Variants in RABGEF1 observed in about 807,000 individuals in gnomAD.
RABGEF1 encodes RAB guanine nucleotide exchange factor 1, also known as rab5 GDP/GTP exchange factor.
A neutral mutation model predicts 57.3 loss-of-function variants in RABGEF1; 26 were observed. The ratio of observed to expected loss-of-function variants is 0.45; its 90% CI spans 0.33 to 0.63. RABGEF1 has a LOEUF of 0.63. Among genes scored for constraint, RABGEF1 ranks in the 20% least tolerant of loss-of-function variants. RABGEF1 has a pLI of 0.02. For missense variants in RABGEF1, 464 were observed against 607.6 expected (o/e 0.76, Z 2.48); for synonymous variants, 185 against 210.7 (o/e 0.88, Z 1.06).
Position 66,748,205 on chromosome 7 carries a change from G to A in RABGEF1, c.-18+7413G>A, listed in dbSNP as rs183339951. Among the ~76,000 whole-genome samples the A allele has an allele frequency of 1.1e-3, 172 of 152,282 alleles. 1 individual carries two copies. The highest frequency in any genetic ancestry group is 3.9e-3 in the African/African-American group (162 of 41,562). On this transcript the variant is annotated intron_variant, in intron 1 of 8. Transcript: ENST00000284957. ...TAGTAAAACTCCTTATTGGCTTTTT[G>A]TGTAAGACGGTGACATAACATCAAA...
intron 1 of RABGEF1, among the ~76,000 whole-genome samples, chr7:66,760,653 A>T (rs1292566743): frequency 2.0e-5 from 3 of 152,136 alleles, no homozygotes; most frequent in African/African-American, 7.2e-5. Context: ...TGTGTTGGCC[A>T]GCCTGGTCTC....
intron 1 of RABGEF1, among the ~76,000 whole-genome samples, chr7:66,684,859 T>C (rs757243388): frequency 6.6e-6 from 1 of 152,040 alleles, no homozygotes; most frequent in Non-Finnish European, 1.5e-5. Context: ...ATGGTCTCGA[T>C]CTCCTGACCT....
intron 1 of RABGEF1, among the ~76,000 whole-genome samples, chr7:66,707,272 T>C (rs546297975): frequency 1.3e-5 from 2 of 152,356 alleles, no homozygotes; most frequent in East Asian, 3.9e-4. Flanking sequence ...GGAGAATGTT[T>C]CATGTGTACT....
the RABGEF1 span, among the ~76,000 whole-genome samples, chr7:66,656,636 A>G: frequency 0.039 from 6,008 of 152,176 alleles, 170 homozygotes; most frequent in East Asian, 0.088. Context: ...CCTGAGCAAC[A>G]TGGTGAAACC....
At chr7:66,723,568 T>G (rs1462363975) in intron 2 of RABGEF1, among the ~76,000 whole-genome samples, 3 of 151,854 alleles carry the variant, frequency 2.0e-5, no homozygotes, top group Non-Finnish European at 2.9e-5. Flanking sequence ...ACAATTACTG[T>G]TTTTTTTGTT....
intron 1 of RABGEF1, among the ~76,000 whole-genome samples, chr7:66,748,504 G>A (rs974239): frequency 0.38 from 57,792 of 152,068 alleles, 11,474 homozygotes; most frequent in Middle Eastern, 0.57. Flanking sequence ...ATGGTTTATC[G>A]TGGGGGTATC....
chr7:66,761,478 C>T (rs775432101), intron 1 of RABGEF1, among the ~76,000 whole-genome samples: 24 of 152,090 alleles, frequency 1.6e-4, no homozygotes, highest in African/African-American at 5.6e-4. Context: ...ATGCTGGGGG[C>T]GAGGAATGGG....
chr7:66,810,745 GTCACT>G lies in RABGEF1; in HGVS notation c.*1466_*1470del, dbSNP rs1165171312. 1 of 152,206 alleles carries G rather than the reference GTCACT, an allele frequency of 6.6e-6. No homozygotes were observed. Among genetic ancestry groups the G allele is most frequent in the African/African-American group, 2.4e-5 (1 of 41,448 alleles). 9.4% of individuals were successfully genotyped at this position (152,206 alleles called of 1,614,324 possible). On this transcript the variant is annotated 3_prime_UTR_variant, in exon 9 of 9. Coordinates refer to ENST00000284957, the MANE Select transcript of RABGEF1 (RefSeq NM_014504.3). ...CCCCAGGGCACCGTTCTAGAACAAC[GTCACT>G]TCACACAGGCAGCTGAGAAAGGTTC... is the stretch of plus-strand genomic sequence containing the variant.
intron 3 of RABGEF1, 95 bp downstream of exon 3, chr7:66,775,488 A>G: frequency 5.5e-6 from 8 of 1,442,848 alleles, no homozygotes; most frequent in South Asian, 1.4e-5. Flanking sequence ...ATTTCTGTCA[A>G]CTTTTTGAGA....
chr7:66,765,207 T>C, intron 1 of RABGEF1, among the ~76,000 whole-genome samples: 1 of 151,166 alleles, frequency 6.6e-6, no homozygotes, highest in Non-Finnish European at 1.5e-5. Flanking sequence ...GTTTCAGAAA[T>C]ATTACATAGT....
At chr7:66,690,719 A>G (rs983166144) in intron 1 of RABGEF1, among the ~76,000 whole-genome samples, 3 of 151,748 alleles carry the variant, frequency 2.0e-5, no homozygotes, top group Non-Finnish European at 4.4e-5. Flanking sequence ...AAATAAATAA[A>G]TAAATATTTT....
chr7:66,695,447 G>GGA (rs1476583929), intron 1 of RABGEF1, among the ~76,000 whole-genome samples: 27 of 152,192 alleles, frequency 1.8e-4, no homozygotes, highest in Non-Finnish European at 3.5e-4. Flanking sequence ...CAGGGGCTTT[G>GGA]ACGCAAGAGG....
rs567370796 is a variant in RABGEF1 at position 66,778,261 on chromosome 7, A to G, written c.346+2868A>G. ...GTTAGTAGCATAAAGGAAAGTTTTT[A>G]TGCCATACGTAGCAGCTTGGTAGCA... On this transcript the variant is annotated intron_variant, in intron 3 of 8. Coordinates refer to ENST00000284957, the MANE Select transcript of RABGEF1 (RefSeq NM_014504.3). Among the ~76,000 whole-genome samples, 6 of 150,040 alleles carry G rather than the reference A, an allele frequency of 4.0e-5. No homozygotes were observed. In the East Asian group the frequency reaches 1.1e-3, roughly 27 times the overall value.
upstream of RABGEF1, among the ~76,000 whole-genome samples, chr7:66,737,573 A>T (rs139263517): frequency 2.5e-3 from 380 of 152,174 alleles, 11 homozygotes; most frequent in East Asian, 0.057. Context: ...TAAAACAATT[A>T]AAAAAAAGAT....
Position 66,800,630 on chromosome 7 carries a change from C to T in RABGEF1, c.820+1216C>T, listed in dbSNP as rs112852955. On this transcript the variant is annotated intron_variant, in intron 7 of 8. Transcript: ENST00000284957. ...CCCATAAGAGGTTGAAGGTGGAGGC[C>T]TTCTAAAAGCCTGAATATGGACCTG... Among the ~76,000 whole-genome samples the T allele has an allele frequency of 1.1e-3, 172 of 152,312 alleles. 1 individual carries two copies. The highest frequency in any genetic ancestry group is 4.0e-3 in the African/African-American group (168 of 41,570).
chr7:66,690,541 C>T (rs1486429863), intron 1 of RABGEF1, among the ~76,000 whole-genome samples: 4 of 147,016 alleles, frequency 2.7e-5, no homozygotes, highest in African/African-American at 1.0e-4. Flanking sequence ...ATAGTGAAAC[C>T]CCATCTCTAC....
chr7:66,669,148 T>C, the RABGEF1 span: 3 of 152,736 alleles, frequency 2.0e-5, no homozygotes, highest in East Asian at 5.8e-4. Context: ...GTCTGTGAAA[T>C]GCGGTGGGTG....
At chr7:66,735,545 G>T (rs1167612128) in intron 2 of RABGEF1, among the ~76,000 whole-genome samples, 1 of 152,208 alleles carries the variant, frequency 6.6e-6, no homozygotes. Context: ...ATGTCAAATT[G>T]TAATCCCTAA....
At chr7:66,769,036 G>A (rs1039470534) in intron 1 of RABGEF1, 8 of 152,328 alleles carry the variant, frequency 5.3e-5, no homozygotes, top group Admixed American at 5.2e-4. Flanking sequence ...GTAAGTGGGG[G>A]GATCCCCATA....
Sources: gnomAD v4.1 joint callset for allele counts (sites outside exome capture counted in the v4.1 genomes callset) on GRCh38, gnomAD v4.1.1 for gene constraint, MANE v1.5 for transcripts, NCBI Gene and HGNC (gene_info 2026-07-23, HGNC 2026-07-21) for gene names.